Variants in TUT7 observed in about 807,000 individuals in gnomAD.
TUT7 encodes terminal uridylyltransferase 7.
In TUT7, 33 loss-of-function variants were observed where a neutral mutation model predicts 165.9. That is an observed-to-expected ratio of 0.20 (90% CI 0.15 to 0.27). The LOEUF (loss-of-function observed/expected upper bound fraction) is 0.27. Among genes scored for constraint, TUT7 ranks in the 10% least tolerant of loss-of-function variants. The pLI is 1.00. For synonymous variants in TUT7, 552 were observed against 608.1 expected (o/e 0.91, Z 1.36); for missense variants, 1,338 against 1,762.3 (o/e 0.76, Z 4.31).
chr9:86,291,844 A>G (rs1357309172), intron 26 of TUT7, among the ~76,000 whole-genome samples: 1 of 152,206 alleles, frequency 6.6e-6, no homozygotes, highest in Non-Finnish European at 1.5e-5. Flanking sequence ...ACTTGTAGAC[A>G]CACAAACCCT....
chr9:86,353,266 A>G, intron 1 of TUT7, 36 bp from the exon 2 acceptor site: 1 of 1,459,122 alleles, frequency 6.9e-7, no homozygotes, highest in Non-Finnish European at 9.1e-7. Context: ...ATCAAACTAT[A>G]TAACAAGATA....
chr9:86,299,637 C>T (rs900379289), intron 26 of TUT7, among the ~76,000 whole-genome samples: 1 of 152,132 alleles, frequency 6.6e-6, no homozygotes, highest in Admixed American at 6.5e-5. Flanking sequence ...CCCTGCCACC[C>T]GGACTACCCG....
chr9:86,309,108 A>G, intron 21 of TUT7, 104 bp downstream of exon 21: 1 of 705,652 alleles, frequency 1.4e-6, no homozygotes, highest in Non-Finnish European at 2.4e-6. Flanking sequence ...ATCATAAGAT[A>G]TATAAATACA....
In TUT7 at chr9:86,328,497, G is replaced by A; in HGVS notation, c.1456-5C>T. 2.5e-6 allele frequency: 4 copies of A among 1,594,730 alleles called. No individual in the cohort carries two copies. The highest frequency in any genetic ancestry group is 3.4e-6 in the Non-Finnish European group (4 of 1,171,856). ...GCTTAATGAGAATCCTTCAATCTAGGAAAAATTAGACACATGCTAAAATAA... is the reference window on the plus strand; with the variant it reads ...GCTTAATGAGAATCCTTCAATCTAGAAAAAATTAGACACATGCTAAAATAA... On this transcript the variant is annotated splice_region_variant and splice_polypyrimidine_tract_variant and intron_variant, in intron 10 of 26. Coordinates refer to ENST00000375963, the MANE Select transcript of TUT7 (RefSeq NM_024617.4).
Position 86,305,184 on chromosome 9 carries a change from TA to T in TUT7, c.3886+7del. The T allele has an allele frequency of 1.3e-6, 2 of 1,594,280 alleles. No individual in the cohort carries two copies. The highest frequency in any genetic ancestry group is 1.2e-5 in the South Asian group (1 of 86,078). The stretch of plus-strand genomic sequence containing the variant: ...TAAAAAATAAAATTGACAAACGAAG[TA>T]ACTCACTTTTCCTTGATAATCCAGC... On this transcript the variant is annotated splice_region_variant and intron_variant, in intron 23 of 26. Coordinates refer to ENST00000375963, the MANE Select transcript of TUT7 (RefSeq NM_024617.4).
intron 26 of TUT7, among the ~76,000 whole-genome samples, chr9:86,299,174 CCTT>C (rs1415428311): frequency 8.5e-5 from 13 of 152,124 alleles, no homozygotes; most frequent in Non-Finnish European, 1.2e-4. Context: ...AGACACGCCT[CCTT>C]CTCCGTTTGA....
intron 25 of TUT7, among the ~76,000 whole-genome samples, chr9:86,302,210 C>T (rs557876978): frequency 6.6e-6 from 1 of 152,204 alleles, no homozygotes; most frequent in East Asian, 1.9e-4. Context: ...AACAACGTAT[C>T]CCAAGGCAAG....
At chr9:86,298,216 T>C (rs1350686808) in intron 26 of TUT7, among the ~76,000 whole-genome samples, 1 of 152,230 alleles carries the variant, frequency 6.6e-6, no homozygotes, top group Admixed American at 6.5e-5. Context: ...CTTTATTGTC[T>C]ACCTCTTCTG....
At chr9:86,324,010 T>C (rs1261107819) in intron 12 of TUT7, 50 bp from the exon 13 acceptor site, 1 of 1,358,138 alleles carries the variant, frequency 7.4e-7, no homozygotes, top group South Asian at 1.8e-5. Context: ...CATATGTTAC[T>C]ATATTTCATG....
At position 86,323,200 on chromosome 9, in the gene TUT7, G is replaced by C; in HGVS notation, c.2550C>G (p.Asp850Glu). The C allele has an allele frequency of 6.2e-7, 1 of 1,613,878 alleles. No individual in the cohort carries two copies. The highest frequency in any genetic ancestry group is 8.5e-7 in the Non-Finnish European group (1 of 1,179,984). ...CTTCTTCCTCCTCCTCTTCTTCGTC[G>C]TCCTCCTCCTCTTCATCAGAGGGAA... The part of the protein sequence containing the change: ...EMIPSDEEEE[D>E]DEEEEEEEEP... Residue 850 changes from aspartate to glutamate, a missense_variant, in exon 13 of 27, where the codon GAC becomes GAG. Asp to Glu is a conservative substitution (Grantham distance 45, BLOSUM62 2). Around this residue, in one of 7 missense-constraint regions of TUT7, gnomAD observed 425 missense variants for 474.9 expected, o/e 0.89. Coordinates refer to ENST00000375963, the MANE Select transcript of TUT7 (RefSeq NM_024617.4).
intron 5 of TUT7, among the ~76,000 whole-genome samples, chr9:86,343,898 G>A (rs1276898659): frequency 6.6e-6 from 1 of 152,058 alleles, no homozygotes; most frequent in Non-Finnish European, 1.5e-5. Context: ...TGGTTTTCTT[G>A]TTTGTTTAAG....
intron 26 of TUT7, among the ~76,000 whole-genome samples, chr9:86,295,056 T>C (rs1440483270): frequency 6.6e-6 from 1 of 152,048 alleles, no homozygotes; most frequent in East Asian, 1.9e-4. Context: ...CAGATAAGCA[T>C]GATAAGCTAC....
At chr9:86,290,136 C>A (rs1307314704) in intron 26 of TUT7, among the ~76,000 whole-genome samples, 1 of 152,050 alleles carries the variant, frequency 6.6e-6, no homozygotes, top group Non-Finnish European at 1.5e-5. Context: ...TGTAAAGCAA[C>A]TGGAATAGTA....
At position 86,328,373 on chromosome 9, in the gene TUT7, CTCT is replaced by C. The variant is rs1406941439; in HGVS notation, c.1572_1574del (p.Glu525del). The C allele has an allele frequency of 1.2e-6, 2 of 1,605,124 alleles. No homozygotes were observed. Among genetic ancestry groups the C allele is most frequent in the Admixed American group, 3.4e-5 (2 of 58,586 alleles). On this transcript the variant is annotated inframe_deletion, in exon 11 of 27. Coordinates refer to ENST00000375963, the MANE Select transcript of TUT7 (RefSeq NM_024617.4). ...TTTTAATCGGCGTTTCTCTTGGTGC[CTCT>C]TCTTTTGTTATGCCTGTGTCCCCTG...
intron 26 of TUT7, among the ~76,000 whole-genome samples, chr9:86,300,868 A>G (rs932499139): frequency 3.3e-5 from 5 of 152,274 alleles, no homozygotes; most frequent in Non-Finnish European, 7.3e-5. Flanking sequence ...TGTGTGGCTC[A>G]CCTGTGCACA....
At chr9:86,353,550 C>T (rs1832483110) in intron 1 of TUT7, among the ~76,000 whole-genome samples, 1 of 152,156 alleles carries the variant, frequency 6.6e-6, no homozygotes, top group Non-Finnish European at 1.5e-5. Flanking sequence ...GTCGGCTTTT[C>T]CCTCTGTAAC....
chr9:86,308,359 G>C, intron 22 of TUT7, 70 bp downstream of exon 22: 1 of 1,399,558 alleles, frequency 7.1e-7, no homozygotes, highest in African/African-American at 1.4e-5. Context: ...GCTCTGCAAG[G>C]AGGAAGAACA....
At chr9:86,317,407 T>C in intron 16 of TUT7, 131 bp from the exon 17 acceptor site, 1 of 743,550 alleles carries the variant, frequency 1.3e-6, no homozygotes, top group Non-Finnish European at 2.2e-6. Context: ...TTTTCCTTTC[T>C]AGTTGGGTAT....
In TUT7 at chr9:86,338,676, T is replaced by C. The variant is rs1277863288; in HGVS notation, c.1335+147A>G. The C allele has an allele frequency of 3.8e-6, 3 of 798,052 alleles. No individual in the cohort carries two copies. The African/African-American group carries it at 5.4e-5, about 14-fold the overall frequency. The allele number at this position is 798,052 out of a possible 1,614,324, so 49.4% of individuals were successfully genotyped here. Reference sequence around the variant, plus strand: ...ACAGAAACACTGAATCTTCCGTCTGTACGTTTCTGTTGCAAAATTCAGATG... The same window carrying C: ...ACAGAAACACTGAATCTTCCGTCTGCACGTTTCTGTTGCAAAATTCAGATG... On this transcript the variant is annotated intron_variant, in intron 9 of 26. Coordinates refer to ENST00000375963, the MANE Select transcript of TUT7 (RefSeq NM_024617.4).
Sources: gnomAD v4.1 joint callset for allele counts (sites outside exome capture counted in the v4.1 genomes callset) on GRCh38, gnomAD v4.1.1 for gene constraint, gnomAD v4.1.1 regional missense constraint, MANE v1.5 for transcripts, NCBI Gene and HGNC (gene_info 2026-07-23, HGNC 2026-07-21) for gene names.